Variants in ACADSB observed in about 807,000 individuals in gnomAD.
ACADSB encodes acyl-CoA dehydrogenase short/branched chain.
ACADSB carries 40 observed loss-of-function variants against 54.1 expected under a neutral mutation model. That is an observed-to-expected ratio of 0.74 (90% CI 0.57 to 0.96). The LOEUF is 0.96. Ranked by LOEUF, ACADSB falls within the 40% of genes least tolerant of loss-of-function variation. The probability of loss-of-function intolerance (pLI) is 0.00; values close to 1 mark genes in which losing one functional copy is unlikely to be tolerated. For missense variants in ACADSB, 530 were observed against 510.4 expected, an observed-to-expected ratio of 1.04 and a Z score of -0.37; for synonymous variants, 182 against 182.8, an observed-to-expected ratio of 1.00 and a Z score of 0.03.
chr10:123,039,380 A>T (rs1454989019), intron 3 of ACADSB, among the ~76,000 whole-genome samples: 4 of 152,230 alleles, frequency 2.6e-5, no homozygotes, highest in Admixed American at 2.6e-4. Context: ...AGAGACTAAG[A>T]GAATTATCCT....
At chr10:123,017,051 G>T (rs1319559156) in intron 1 of ACADSB, among the ~76,000 whole-genome samples, 1 of 152,006 alleles carries the variant, frequency 6.6e-6, no homozygotes, top group Non-Finnish European at 1.5e-5. Flanking sequence ...TGGTCTTTTG[G>T]CATCTATTTA....
At chr10:123,044,995 T>G (rs1225306246) in intron 7 of ACADSB, among the ~76,000 whole-genome samples, 1 of 151,214 alleles carries the variant, frequency 6.6e-6, no homozygotes, top group Admixed American at 6.6e-5. Context: ...AAATGAGAAC[T>G]ATTCAAAATT....
At chr10:123,039,177 G>A (rs1850439518) in intron 3 of ACADSB, among the ~76,000 whole-genome samples, 1 of 152,158 alleles carries the variant, frequency 6.6e-6, no homozygotes, top group Non-Finnish European at 1.5e-5. Flanking sequence ...ATATCTGTTC[G>A]AGTCATTGTA....
intron 1 of ACADSB, among the ~76,000 whole-genome samples, chr10:123,031,860 A>G (rs1051662819): frequency 3.3e-5 from 5 of 152,210 alleles, no homozygotes; most frequent in East Asian, 1.9e-4. Context: ...GAATGGTCCT[A>G]TACTTTGTCA....
At chr10:123,026,403 T>C (rs1015537386) in intron 1 of ACADSB, among the ~76,000 whole-genome samples, 14 of 152,202 alleles carry the variant, frequency 9.2e-5, no homozygotes, top group East Asian at 5.8e-4. Context: ...TAGAGAAGTA[T>C]GTAAATGTAT....
In ACADSB at chr10:123,053,793, G is replaced by T; in HGVS notation, c.*28G>T. ...TCTATAGGAGTGGGACCCCTCCCTG[G>T]TGTCACTGCTGTAAAATTTTAAACG... On this transcript the variant is annotated 3_prime_UTR_variant, in exon 11 of 11. Transcript: ENST00000358776. 1 of 1,590,194 alleles carries T rather than the reference G, an allele frequency of 6.3e-7. No homozygotes were observed. The highest frequency in any genetic ancestry group is 8.6e-7 in the Non-Finnish European group (1 of 1,158,248).
chr10:123,013,910 G>T (rs1040715596), intron 1 of ACADSB, among the ~76,000 whole-genome samples: 1 of 152,200 alleles, frequency 6.6e-6, no homozygotes, highest in Non-Finnish European at 1.5e-5. Context: ...CAAGCCGAGG[G>T]AGCTGGCTCC....
At chr10:123,020,919 C>A (rs1003720292) in intron 1 of ACADSB, among the ~76,000 whole-genome samples, 4 of 152,182 alleles carry the variant, frequency 2.6e-5, no homozygotes, top group Non-Finnish European at 4.4e-5. Context: ...AGGAGACTCG[C>A]TTGAACCCGG....
intron 3 of ACADSB, 104 bp from the exon 4 acceptor site, chr10:123,040,358 ATAAT>A (rs1239316233): frequency 1.1e-3 from 18 of 16,234 alleles, no homozygotes; most frequent in African/African-American, 2.4e-3. Context: ...CAAAAAAAAA[ATAAT>A]AATAATAAAT....
intron 1 of ACADSB, among the ~76,000 whole-genome samples, chr10:123,028,552 A>G (rs1352762804): frequency 6.6e-6 from 1 of 152,162 alleles, no homozygotes; most frequent in Non-Finnish European, 1.5e-5. Flanking sequence ...AGTCATAGCT[A>G]GTCAGAAAGC....
At chr10:123,027,204 G>C (rs1850266144) in intron 1 of ACADSB, among the ~76,000 whole-genome samples, 2 of 152,140 alleles carry the variant, frequency 1.3e-5, no homozygotes, top group Non-Finnish European at 2.9e-5. Context: ...AGAATGACCT[G>C]GGGTGCTTTT....
intron 1 of ACADSB, among the ~76,000 whole-genome samples, chr10:123,019,693 A>C (rs1850157677): frequency 6.6e-6 from 1 of 152,214 alleles, no homozygotes; most frequent in Non-Finnish European, 1.5e-5. Context: ...ATGATACAGC[A>C]AGCTTTTTCA....
intron 1 of ACADSB, among the ~76,000 whole-genome samples, chr10:123,022,072 A>T (rs536734404): frequency 6.6e-6 from 1 of 152,252 alleles, no homozygotes; most frequent in Non-Finnish European, 1.5e-5. Flanking sequence ...CCTTTTAAGT[A>T]TACATATAGC....
At chr10:123,039,932 A>G (rs1850447712) in intron 3 of ACADSB, among the ~76,000 whole-genome samples, 1 of 152,216 alleles carries the variant, frequency 6.6e-6, no homozygotes, top group African/African-American at 2.4e-5. Flanking sequence ...GAAGCAAATG[A>G]TAGCATATAA....
intron 2 of ACADSB, 23 bp downstream of exon 2, chr10:123,034,538 C>T: frequency 6.3e-7 from 1 of 1,597,628 alleles, no homozygotes; most frequent in Non-Finnish European, 8.5e-7. Flanking sequence ...ATCAGTGTCA[C>T]CTTTTTCTCC....
chr10:123,053,173 T>A lies in ACADSB; in HGVS notation c.1228+13T>A, dbSNP rs1232104557. 6.3e-7 allele frequency: 1 copy of A among 1,596,642 alleles called. No homozygotes were observed. The highest frequency in any genetic ancestry group is 1.1e-5 in the South Asian group (1 of 90,386). The stretch of plus-strand genomic sequence containing the variant: ...GATGCAAAGATTGGTAAATAGATTT[T>A]TTTTTTTTACATTTTATTTTGTTTT... On this transcript the variant is annotated intron_variant, in intron 10 of 10. Transcript: ENST00000358776.
In ACADSB at chr10:123,034,614, A is replaced by G. The variant is rs1456152186; in HGVS notation, c.202+99A>G. On this transcript the variant is annotated intron_variant, in intron 2 of 10. Transcript: ENST00000358776. ...CACTGCAGCCCCACCTCTGGGCTCA[A>G]GCTATCCTGCTTCAGCCTCCTGAAT... is the stretch of plus-strand genomic sequence containing the variant. The G allele has an allele frequency of 6.0e-6, 8 of 1,340,848 alleles. No individual in the cohort carries two copies. In the African/African-American group the frequency reaches 1.0e-4, roughly 17 times the overall value. The allele number at this position is 1,340,848 out of a possible 1,614,324, so 83.1% of individuals were successfully genotyped here. A position where few individuals can be genotyped will look rare whatever the true frequency, so the allele number is the denominator to read the frequency against.
rs146289307 is a variant in ACADSB, at chr10:123,055,152, C to T, written c.*1387C>T. 345 of 158,142 alleles carry T rather than the reference C, an allele frequency of 2.2e-3. No homozygotes were observed. The highest frequency in any genetic ancestry group is 7.5e-3 in the African/African-American group (314 of 41,644). 9.8% of individuals were successfully genotyped at this position (158,142 alleles called of 1,614,324 possible). On this transcript the variant is annotated 3_prime_UTR_variant, in exon 11 of 11. Transcript: ENST00000358776. ...ATCTGGTTGTATTAGTCTGTTTTCA[C>T]GCTGCTGATAAAGACATACCTGAGA...
At chr10:123,043,594 T>G (rs1309214852) in intron 6 of ACADSB, among the ~76,000 whole-genome samples, 1 of 152,054 alleles carries the variant, frequency 6.6e-6, no homozygotes, top group East Asian at 1.9e-4. Context: ...AAGATCCAGA[T>G]AGTTAGTGCT....
Sources: allele counts gnomAD v4.1 joint callset (sites outside exome capture counted in the v4.1 genomes callset), GRCh38; gene constraint gnomAD v4.1.1; transcripts MANE v1.5; gene names NCBI Gene and HGNC (gene_info 2026-07-23, HGNC 2026-07-21).